Variants in ADK observed in about 807,000 individuals in gnomAD.
ADK encodes the protein adenosine kinase.
In ADK, 24 loss-of-function variants were observed where a neutral mutation model predicts 44.7. That is an observed-to-expected ratio of 0.54 (90% CI 0.39 to 0.76). The LOEUF is 0.76. Ranked by LOEUF, ADK falls within the 30% of genes least tolerant of loss-of-function variation. The probability of loss-of-function intolerance (pLI) is 0.00; values close to 1 mark genes in which losing one functional copy is unlikely to be tolerated. For synonymous variants in ADK, 128 were observed against 142.6 expected, an observed-to-expected ratio of 0.90 and a Z score of 0.73; for missense variants, 321 against 425.1, an observed-to-expected ratio of 0.76 and a Z score of 2.15.
chr10:74,545,952 A>T (rs1447108871), intron 7 of ADK, among the ~76,000 whole-genome samples: 1 of 152,210 alleles, frequency 6.6e-6, no homozygotes, highest in Non-Finnish European at 1.5e-5. Context: ...AATTTCTTAC[A>T]TGAGGAAAGA....
intron 6 of ADK, among the ~76,000 whole-genome samples, chr10:74,423,197 C>A (rs1564713093): frequency 6.6e-6 from 1 of 152,070 alleles, no homozygotes; most frequent in Non-Finnish European, 1.5e-5. Flanking sequence ...AGCAGAAAAT[C>A]AATATTATTT....
At position 74,551,295 on chromosome 10, in the gene ADK, A is replaced by G. The variant is rs367563368; in HGVS notation, c.726+25869A>G. Reference sequence around the variant, plus strand: ...GTACATAAATGTAAAATAGAACAATAACACCTCTAGAAGAAATCGTATGAA... The same window carrying G: ...GTACATAAATGTAAAATAGAACAATGACACCTCTAGAAGAAATCGTATGAA... On this transcript the variant is annotated intron_variant, in intron 7 of 10. Transcript: ENST00000539909. The G allele has an allele frequency of 4.6e-5, 7 of 152,374 alleles. No individual in the cohort carries two copies. In the East Asian group the frequency reaches 1.2e-3, roughly 25 times the overall value. 9.4% of individuals were successfully genotyped at this position (152,374 alleles called of 1,614,324 possible).
chr10:74,517,823 A>C (rs978776972), intron 6 of ADK, among the ~76,000 whole-genome samples: 3 of 152,206 alleles, frequency 2.0e-5, no homozygotes, highest in Admixed American at 1.3e-4. Context: ...GTCATTGGTA[A>C]CATAACCTTT....
chr10:74,347,106 C>CAAAAAAA (rs58074760), intron 4 of ADK, among the ~76,000 whole-genome samples: 15 of 92,292 alleles, frequency 1.6e-4, no homozygotes, highest in East Asian at 9.2e-4. Context: ...CACTCTGTCT[C>CAAAAAAA]AAAAAAAAAA....
chr10:74,565,743 A>AC (rs1363692712), intron 7 of ADK, among the ~76,000 whole-genome samples: 1 of 151,590 alleles, frequency 6.6e-6, no homozygotes, highest in Non-Finnish European at 1.5e-5. Context: ...AAAAAAAAAA[A>AC]AAAAAACCAT....
rs116706140 is a variant in ADK, at chr10:74,153,831, C to T, written c.65+2488C>T. On this transcript the variant is annotated intron_variant, in intron 1 of 10. Transcript: ENST00000539909. Reference sequence around the variant, plus strand: ...CATCCAAGTTCATTTCTTTAGCGATCGCCTCTTAAGAGGCTACAGTGCCTT... The same window carrying T: ...CATCCAAGTTCATTTCTTTAGCGATTGCCTCTTAAGAGGCTACAGTGCCTT... Among the ~76,000 whole-genome samples, 450 of 152,318 alleles carry T rather than the reference C, an allele frequency of 3.0e-3. 1 individual carries two copies. Among genetic ancestry groups the T allele is most frequent in the African/African-American group, 7.9e-3 (329 of 41,566 alleles).
chr10:74,304,719 T>C (rs1049942919), intron 3 of ADK, among the ~76,000 whole-genome samples: 1 of 152,256 alleles, frequency 6.6e-6, no homozygotes, highest in South Asian at 2.1e-4. Flanking sequence ...GTAGTGTGCA[T>C]GTTCTTAAAA....
intron 3 of ADK, among the ~76,000 whole-genome samples, chr10:74,308,675 A>G (rs1840335160): frequency 6.6e-6 from 1 of 152,226 alleles, no homozygotes; most frequent in Admixed American, 6.6e-5. Flanking sequence ...TTCTTAAGGA[A>G]GTTAAATTTT....
rs562695299 is a variant in ADK at position 74,370,044 on chromosome 10, G to A, written c.274-24097G>A. 2.6e-5 allele frequency among the ~76,000 whole-genome samples: 4 copies of A among 152,156 alleles called. No individual in the cohort carries two copies. In the South Asian group the frequency reaches 8.3e-4, roughly 32 times the overall value. On this transcript the variant is annotated intron_variant, in intron 4 of 10. Coordinates refer to ENST00000539909, the MANE Select transcript of ADK (RefSeq NM_006721.4). ...AATATTTTCTATCACATAAATAATAGGCTATACTTGGGGACAAATCTGACA... is the reference window on the plus strand; with the variant it reads ...AATATTTTCTATCACATAAATAATAAGCTATACTTGGGGACAAATCTGACA...
intron 6 of ADK, among the ~76,000 whole-genome samples, chr10:74,478,339 C>T (rs1427146374): frequency 2.0e-5 from 3 of 152,200 alleles, no homozygotes; most frequent in African/African-American, 7.2e-5. Flanking sequence ...CCTGCCTCAG[C>T]CTCCTGAGTG....
At chr10:74,247,023 C>T (rs1425546050) in intron 3 of ADK, among the ~76,000 whole-genome samples, 2 of 151,642 alleles carry the variant, frequency 1.3e-5, no homozygotes, top group East Asian at 1.9e-4. Context: ...TTGAATTACT[C>T]GATACTCTTT....
chr10:74,472,605 A>C (rs1846640583), intron 6 of ADK, among the ~76,000 whole-genome samples: 1 of 152,208 alleles, frequency 6.6e-6, no homozygotes, highest in Admixed American at 6.5e-5. Context: ...AATAAGACCT[A>C]GAAATGCATT....
intron 6 of ADK, among the ~76,000 whole-genome samples, chr10:74,443,056 T>TA (rs1413904067): frequency 1.3e-5 from 2 of 152,180 alleles, no homozygotes; most frequent in Non-Finnish European, 2.9e-5. Context: ...TGTAAACTTT[T>TA]AGTTATAGGA....
intron 9 of ADK, among the ~76,000 whole-genome samples, chr10:74,604,676 G>A (rs1304998387): frequency 6.6e-6 from 1 of 152,184 alleles, no homozygotes; most frequent in Non-Finnish European, 1.5e-5. Context: ...ATAGTTTGAA[G>A]TCAGGTTAGC....
At chr10:74,420,406 C>G (rs1844518963) in intron 6 of ADK, among the ~76,000 whole-genome samples, 1 of 152,090 alleles carries the variant, frequency 6.6e-6, no homozygotes, top group African/African-American at 2.4e-5. Context: ...CTATTAAGAT[C>G]TAATAATCAC....
At chr10:74,676,597 C>T (rs888567701) in intron 10 of ADK, among the ~76,000 whole-genome samples, 2 of 152,164 alleles carry the variant, frequency 1.3e-5, no homozygotes, top group Non-Finnish European at 2.9e-5. Context: ...CCACCTCAGT[C>T]TCCCGAGTAG....
chr10:74,616,251 A>T (rs1852756473), intron 9 of ADK, among the ~76,000 whole-genome samples: 1 of 152,172 alleles, frequency 6.6e-6, no homozygotes, highest in African/African-American at 2.4e-5. Context: ...TTTTCCCCTT[A>T]TGATTAATGC....
chr10:74,272,179 T>A (rs1846458369), intron 3 of ADK, among the ~76,000 whole-genome samples: 1 of 152,210 alleles, frequency 6.6e-6, no homozygotes, highest in Non-Finnish European at 1.5e-5. Context: ...GTGAGAAATT[T>A]TTTTACTCCT....
chr10:74,328,519 A>G (rs1273434713), intron 4 of ADK, among the ~76,000 whole-genome samples: 1 of 151,978 alleles, frequency 6.6e-6, no homozygotes, highest in East Asian at 1.9e-4. Flanking sequence ...CCTCATCTCT[A>G]GTTGTAATCC....
Sources: gnomAD v4.1 joint callset for allele counts (sites outside exome capture counted in the v4.1 genomes callset) on GRCh38, gnomAD v4.1.1 for gene constraint, MANE v1.5 for transcripts, NCBI Gene and HGNC (gene_info 2026-07-23, HGNC 2026-07-21) for gene names.